Variants in TMC1 observed in about 807,000 individuals in gnomAD.
The protein encoded by TMC1 is transmembrane channel like 1.
TMC1 carries 84 observed loss-of-function variants against 105.8 expected under a neutral mutation model. The ratio of observed to expected loss-of-function variants is 0.79; its 90% CI spans 0.67 to 0.95. The LOEUF is 0.95. TMC1 is among the 40% of genes least tolerant of loss of function. The pLI is 0.00. For missense variants in TMC1, 817 were observed against 914.1 expected, an observed-to-expected ratio of 0.89 and a Z score of 1.37; for synonymous variants, 315 against 311.5, an observed-to-expected ratio of 1.01 and a Z score of -0.12.
intron 5 of TMC1, among the ~76,000 whole-genome samples, chr9:72,666,250 G>T (rs990007011): frequency 6.7e-6 from 1 of 150,150 alleles, no homozygotes; most frequent in African/African-American, 2.5e-5. Context: ...ACCTTGTCCT[G>T]TCTCTATTAA....
At chr9:72,791,799 T>C in intron 15 of TMC1, 87 bp from the exon 16 acceptor site, 1 of 1,103,684 alleles carries the variant, frequency 9.1e-7, no homozygotes, top group Middle Eastern at 2.9e-4. Context: ...CAAAGAAGCC[T>C]AGCTCAGAAT....
intron 5 of TMC1, among the ~76,000 whole-genome samples, chr9:72,669,643 C>A (rs12339514): frequency 0.26 from 38,696 of 151,308 alleles, 5,168 homozygotes; most frequent in African/African-American, 0.28. Flanking sequence ...GGGGATGAGC[C>A]GATGTGAAAC....
At chr9:72,598,361 G>T (rs1280037989) in intron 2 of TMC1, among the ~76,000 whole-genome samples, 1 of 123,200 alleles carries the variant, frequency 8.1e-6, no homozygotes, top group African/African-American at 3.2e-5. Context: ...ATTTTCCCAG[G>T]AACGTGAATG....
intron 5 of TMC1, among the ~76,000 whole-genome samples, chr9:72,682,092 T>C (rs1345217927): frequency 6.6e-6 from 1 of 152,198 alleles, no homozygotes; most frequent in African/African-American, 2.4e-5. Context: ...ATTATTCTCC[T>C]TGTAATTTTG....
chr9:72,525,026 A>C (rs1823382124), intron 1 of TMC1, among the ~76,000 whole-genome samples: 1 of 152,210 alleles, frequency 6.6e-6, no homozygotes, highest in Admixed American at 6.5e-5. Context: ...CTTTGATAGA[A>C]AGATACGGTC....
chr9:72,723,073 A>G (rs1037142235), intron 8 of TMC1, among the ~76,000 whole-genome samples: 2 of 152,224 alleles, frequency 1.3e-5, no homozygotes, highest in Non-Finnish European at 2.9e-5. Context: ...TGCTTGAATT[A>G]GAGCTGCCTG....
At position 72,742,413 on chromosome 9, in the gene TMC1, A is replaced by G. The variant is rs13302809; in HGVS notation, c.454-31A>G. The G allele has an allele frequency of 2.2e-4, 343 of 1,569,764 alleles. 3 individuals are homozygous for G. The African/African-American group carries it at 4.0e-3, about 18-fold the overall frequency. On this transcript the variant is annotated intron_variant, in intron 9 of 23. Coordinates refer to ENST00000297784, the MANE Select transcript of TMC1 (RefSeq NM_138691.3). ...ACATCTTGACAAATCAAGAGGTTGG[A>G]CTTTACTTTTGTATTTGACTTTCTT... is the stretch of plus-strand genomic sequence containing the variant.
chr9:72,780,549 TAAAG>T (rs1828080166), intron 13 of TMC1, among the ~76,000 whole-genome samples: 1 of 151,810 alleles, frequency 6.6e-6, no homozygotes, highest in Non-Finnish European at 1.5e-5. Context: ...AGGCTCAAAA[TAAAG>T]AGATTGATAA....
Position 72,792,352 on chromosome 9 carries a change from G to A in TMC1, c.1566G>A (p.Gln522=), listed in dbSNP as rs372344935. The A allele has an allele frequency of 1.2e-6, 2 of 1,613,850 alleles. No homozygotes were observed. Among genetic ancestry groups the A allele is most frequent in the African/African-American group, 2.7e-5 (2 of 74,868 alleles). The change falls in exon 17 of 24, where the codon CAG becomes CAA. Residue 522 remains glutamine, a splice_region_variant and synonymous_variant. Coordinates refer to ENST00000297784, the MANE Select transcript of TMC1 (RefSeq NM_138691.3). ...CTTGCTGGGAAACAATGGTGGGACA[G>A]GTAATGCCACCAACAGAAGTGTATG... The part of the protein sequence containing the change: ...RGPCWETMVG[Q]EFVRLTVSDV...
intron 4 of TMC1, among the ~76,000 whole-genome samples, chr9:72,647,678 C>A (rs555651740): frequency 1.3e-5 from 2 of 152,252 alleles, no homozygotes; most frequent in African/African-American, 4.8e-5. Flanking sequence ...ACTGCCTTGG[C>A]TATGTACTAG....
At chr9:72,662,333 T>TGC (rs1477315351) in intron 5 of TMC1, among the ~76,000 whole-genome samples, 5 of 151,562 alleles carry the variant, frequency 3.3e-5, no homozygotes, top group African/African-American at 1.2e-4. Flanking sequence ...ATCACAGATG[T>TGC]GCGCCACCAC....
intron 2 of TMC1, among the ~76,000 whole-genome samples, chr9:72,607,636 A>G (rs1475244652): frequency 2.7e-5 from 4 of 146,852 alleles, no homozygotes; most frequent in Non-Finnish European, 4.5e-5. Context: ...AAAAAAAAAG[A>G]GTATCAATGT....
chr9:72,836,059 T>G lies in TMC1; in HGVS notation c.*86T>G, dbSNP rs1485234274. 1.4e-6 allele frequency: 2 copies of G among 1,460,904 alleles called. No homozygotes were observed. The highest frequency in any genetic ancestry group is 1.9e-6 in the Non-Finnish European group (2 of 1,047,838). The allele number at this position is 1,460,904 out of a possible 1,614,324, so 90.5% of individuals were successfully genotyped here. On this transcript the variant is annotated 3_prime_UTR_variant, in exon 24 of 24. Coordinates refer to ENST00000297784, the MANE Select transcript of TMC1 (RefSeq NM_138691.3). ...ATGTGAACGCCCAGAGAACAAGCAC[T>G]GTGGAACTGCTATTTTCCTGTTCTA...
At chr9:72,768,917 G>A (rs1421267974) in intron 12 of TMC1, among the ~76,000 whole-genome samples, 2 of 152,198 alleles carry the variant, frequency 1.3e-5, no homozygotes, top group African/African-American at 4.8e-5. Context: ...GATGCCTGGG[G>A]TTCTTTCCAA....
chr9:72,825,944 GA>G (rs765795604), intron 20 of TMC1, among the ~76,000 whole-genome samples: 66 of 152,050 alleles, frequency 4.3e-4, no homozygotes, highest in Non-Finnish European at 7.5e-4. Flanking sequence ...GTTAGACCAG[GA>G]GAAAAAAACC....
rs139873945 is a variant in TMC1 at position 72,618,420 on chromosome 9, G to A, written c.-196+1943G>A. 1.3e-3 allele frequency among the ~76,000 whole-genome samples: 204 copies of A among 152,222 alleles called. 1 individual carries two copies. The highest frequency in any genetic ancestry group is 4.7e-3 in the African/African-American group (195 of 41,528). ...ATAAAAAAGGAACAATTTCTAAAAA[G>A]GAAGTCAAAAGAAACACATTAAACT... On this transcript the variant is annotated intron_variant, in intron 3 of 23. Transcript: ENST00000297784.
chr9:72,666,499 A>G (rs1397801760), intron 5 of TMC1, among the ~76,000 whole-genome samples: 1 of 152,216 alleles, frequency 6.6e-6, no homozygotes, highest in Non-Finnish European at 1.5e-5. Context: ...AAAAGGCCCC[A>G]AGACACAGGG....
intron 4 of TMC1, among the ~76,000 whole-genome samples, chr9:72,638,936 A>C (rs1825579724): frequency 6.6e-6 from 1 of 152,240 alleles, no homozygotes; most frequent in Admixed American, 6.5e-5. Context: ...TTGAAAAATT[A>C]ATACTCATTT....
At chr9:72,599,852 T>G (rs1394916703) in intron 2 of TMC1, among the ~76,000 whole-genome samples, 4 of 151,366 alleles carry the variant, frequency 2.6e-5, no homozygotes, top group Non-Finnish European at 5.9e-5. Context: ...AAAAAGAAAA[T>G]GCACTTTTTG....
Sources: gnomAD v4.1 joint callset for allele counts (sites outside exome capture counted in the v4.1 genomes callset) on GRCh38, gnomAD v4.1.1 for gene constraint, MANE v1.5 for transcripts, NCBI Gene and HGNC (gene_info 2026-07-23, HGNC 2026-07-21) for gene names.